ADGRG2: variants seen among roughly 807,000 people sequenced by gnomAD.
The protein encoded by ADGRG2 is G protein-coupled receptor 64.
ADGRG2 carries 26 observed loss-of-function variants against 74.1 expected under a neutral mutation model. That is an observed-to-expected ratio of 0.35 (90% CI 0.26 to 0.49). The LOEUF is 0.49. ADGRG2 is among the 20% of genes least tolerant of loss of function. The pLI, the probability that ADGRG2 is intolerant of heterozygous loss-of-function variation, is 0.99. For missense variants in ADGRG2, 619 were observed against 763.1 expected, an observed-to-expected ratio of 0.81 and a Z score of 2.22; for synonymous variants, 296 against 295.2, an observed-to-expected ratio of 1.00 and a Z score of -0.03.
rs774012210 is a variant in ADGRG2, at chrX:19,011,076, C to T, written c.1100-298G>A. On this transcript the variant is annotated intron_variant, in intron 16 of 28. Transcript: ENST00000379869. ...AAAAGGAATTAACTCTAAATACACA[C>T]AATGGCATGGGTGGATCTCCAGTTT... Among the ~76,000 whole-genome samples, 6 of 112,296 alleles carry T rather than the reference C, an allele frequency of 5.3e-5. No homozygotes were observed. The East Asian group carries it at 8.4e-4, about 16-fold the overall frequency.
At chrX:19,068,535 A>G (rs2061601829) in intron 3 of ADGRG2, among the ~76,000 whole-genome samples, 182 bp downstream of exon 3, 1 of 111,839 alleles carries the variant, frequency 8.9e-6, no homozygotes, top group Admixed American at 9.5e-5. Flanking sequence ...TTAGAAATGG[A>G]TAGCAGTGAC....
At chrX:19,022,853 T>C (rs981935253) in intron 13 of ADGRG2, among the ~76,000 whole-genome samples, 4 of 111,550 alleles carry the variant, frequency 3.6e-5, no homozygotes, top group Admixed American at 9.5e-5. Flanking sequence ...CCCGCCACCA[T>C]GCCTGGCTAA....
intron 1 of ADGRG2, among the ~76,000 whole-genome samples, chrX:19,114,788 C>T (rs961237865): frequency 6.3e-5 from 7 of 111,529 alleles, no homozygotes; most frequent in Admixed American, 3.8e-4. Context: ...AGGAATTGTG[C>T]GCACTCCTTG....
chrX:19,108,104 C>CAAAAA (rs143987070), intron 1 of ADGRG2, among the ~76,000 whole-genome samples: 1 of 44,970 alleles, frequency 2.2e-5, no homozygotes. Flanking sequence ...GACTCCGTCT[C>CAAAAA]AAAAAAAAAA....
rs768125023 is a variant in ADGRG2 at position 19,009,180 on chromosome X, C to CT, written c.1422+445dup. 9.4e-3 allele frequency among the ~76,000 whole-genome samples: 936 copies of CT among 99,394 alleles called. 4 individuals are homozygous for CT. Among genetic ancestry groups the CT allele is most frequent in the African/African-American group, 0.021 (590 of 27,559 alleles). 86.3% of individuals were successfully genotyped at this position (99,394 alleles called of 115,157 possible). ...ATCCTGTACCAGCCAAGACCAACGTCTTTTTTTTTTTTTTTGAGACGGAAT... is the reference window on the plus strand; with the variant it reads ...ATCCTGTACCAGCCAAGACCAACGTCTTTTTTTTTTTTTTTTGAGACGGAAT... On this transcript the variant is annotated intron_variant, in intron 18 of 28. Transcript: ENST00000379869.
chrX:18,999,319 T>C (rs766910105), intron 25 of ADGRG2, 40 bp from the exon 26 acceptor site: 1 of 1,065,052 alleles, frequency 9.4e-7, no homozygotes, highest in South Asian at 2.2e-5. Flanking sequence ...GAAAACATAT[T>C]ATAGTAATGA....
intron 3 of ADGRG2, among the ~76,000 whole-genome samples, chrX:19,067,800 C>T (rs1968580738): frequency 8.9e-6 from 1 of 112,193 alleles, no homozygotes; most frequent in East Asian, 2.8e-4. Context: ...CCAACAAAAA[C>T]AACCCAATTC....
At chrX:19,122,559 G>T (rs1302653546), upstream of ADGRG2, 1 of 109,736 alleles carries the variant, frequency 9.1e-6, no homozygotes, top group Non-Finnish European at 1.9e-5. Flanking sequence ...CGCCGCTCCC[G>T]GCCCGCTCCG....
At chrX:18,992,435 G>A in intron 28 of ADGRG2, among the ~76,000 whole-genome samples, 1 of 112,065 alleles carries the variant, frequency 8.9e-6, no homozygotes, top group Middle Eastern at 4.6e-3. Context: ...GACTACAGGT[G>A]TGTGCCACCA....
chrX:19,094,913 CCTT>C (rs2062070778), intron 1 of ADGRG2, among the ~76,000 whole-genome samples: 1 of 112,190 alleles, frequency 8.9e-6, no homozygotes, highest in Non-Finnish European at 1.9e-5. Flanking sequence ...TCCACTTTCT[CCTT>C]CTTTTTTTAG....
rs142421774 is a variant in ADGRG2 at position 19,019,660 on chromosome X, A to G, written c.649T>C (p.Cys217Arg). The change falls in exon 15 of 29, where the codon TGC (cysteine) becomes CGC (arginine). Residue 217 changes from cysteine (C) to arginine (R), a missense_variant. Cys to Arg is a radical substitution (Grantham distance 180). This residue lies in a region of ADGRG2 where 292 missense variants were observed against 318.0 expected (regional missense o/e 0.92). Coordinates refer to ENST00000379869, the MANE Select transcript of ADGRG2 (RefSeq NM_001079858.3). ...CAGGGTATCCTGACAGAACAGCAGC[A>G]GTGTTCTAGGAGAGACAAAAGGAAA... is the stretch of plus-strand genomic sequence containing the variant. ...ERVKIRPMEH[C>R]CCSVRIPCPS... is the part of the protein sequence containing the mutation. The G allele has an allele frequency of 2.6e-6, 3 of 1,146,153 alleles. No homozygotes were observed. The highest frequency in any genetic ancestry group is 3.6e-5 in the African/African-American group (2 of 55,258). The allele number at this position is 1,146,153 out of a possible 1,213,427, so 94.5% of individuals were successfully genotyped here. A position where few individuals can be genotyped will look rare whatever the true frequency, so the allele number is the denominator to read the frequency against.
rs190428899 is a variant in ADGRG2 at position 19,068,446 on chromosome X, A to G, written c.118+271T>C. Reference sequence around the variant, plus strand: ...AGAAAGAACAGGAACAGAGGTTACCAGGAAGGGGTGGGGGGGAAGGAAATT... The same window carrying G: ...AGAAAGAACAGGAACAGAGGTTACCGGGAAGGGGTGGGGGGGAAGGAAATT... On this transcript the variant is annotated intron_variant, in intron 3 of 28. Coordinates refer to ENST00000379869, the MANE Select transcript of ADGRG2 (RefSeq NM_001079858.3). 3.2e-3 allele frequency among the ~76,000 whole-genome samples: 344 copies of G among 108,428 alleles called. 1 individual carries two copies. The highest frequency in any genetic ancestry group is 5.2e-3 in the Non-Finnish European group (276 of 52,628). The allele number at this position is 108,428 out of a possible 115,157, so 94.2% of individuals were successfully genotyped here.
intron 10 of ADGRG2, among the ~76,000 whole-genome samples, chrX:19,027,811 C>G (rs1490806379): frequency 8.9e-6 from 1 of 112,197 alleles, no homozygotes; most frequent in Non-Finnish European, 1.9e-5. Context: ...ACCACTGCAT[C>G]AGAATCCCCC....
At chrX:19,011,187 C>A (rs988737184) in intron 16 of ADGRG2, among the ~76,000 whole-genome samples, 1 of 111,579 alleles carries the variant, frequency 9.0e-6, no homozygotes, top group Admixed American at 9.6e-5. Context: ...CTAGAAATAT[C>A]CAAAAACCTG....
At chrX:19,104,916 CAAAAAAAA>C (rs1001242331) in intron 1 of ADGRG2, among the ~76,000 whole-genome samples, 2 of 23,355 alleles carry the variant, frequency 8.6e-5, no homozygotes, top group East Asian at 1.6e-3. Flanking sequence ...GACTCTGTCT[CAAAAAAAA>C]AAAAAAAAAA....
chrX:19,004,876 G>A lies in ADGRG2; in HGVS notation c.1843C>T (p.Leu615=). 8.6e-7 allele frequency: 1 copy of A among 1,168,935 alleles called. No individual in the cohort carries two copies. The highest frequency in any genetic ancestry group is 1.2e-6 in the Non-Finnish European group (1 of 867,018). ...HLTSFGVLLD[L]SRTSVLPAQM... ...GCAGGCAGCACAGATGTCCTAGATA[G>A]GTCCTGGAAAATGAAATATTGCTTT... The change falls in exon 23 of 29, where the codon CTA becomes TTA. Residue 615 remains leucine, a synonymous_variant. Coordinates refer to ENST00000379869, the MANE Select transcript of ADGRG2 (RefSeq NM_001079858.3).
At chrX:19,081,475 C>T (rs1287602230) in intron 2 of ADGRG2, among the ~76,000 whole-genome samples, 1 of 111,466 alleles carries the variant, frequency 9.0e-6, no homozygotes, top group African/African-American at 3.3e-5. Flanking sequence ...AACCCCGCCT[C>T]ACCCACCAGG....
intron 3 of ADGRG2, among the ~76,000 whole-genome samples, chrX:19,042,853 T>C (rs982847581): frequency 1.2e-4 from 13 of 110,932 alleles, no homozygotes; most frequent in Non-Finnish European, 2.5e-4. Flanking sequence ...TAGCCAGGCG[T>C]GGTGGTGCAC....
At chrX:19,103,731 T>G (rs1269087365) in intron 1 of ADGRG2, among the ~76,000 whole-genome samples, 1 of 111,150 alleles carries the variant, frequency 9.0e-6, no homozygotes, top group African/African-American at 3.3e-5. Flanking sequence ...ACCCCCAAGA[T>G]GCCCAAACAG....
Sources: gnomAD v4.1 joint callset for allele counts (sites outside exome capture counted in the v4.1 genomes callset) on GRCh38, gnomAD v4.1.1 for gene constraint, gnomAD v4.1.1 regional missense constraint, MANE v1.5 for transcripts, NCBI Gene and HGNC (gene_info 2026-07-23, HGNC 2026-07-21) for gene names.